TSHZ2: variants seen among roughly 807,000 people sequenced by gnomAD.
The protein encoded by TSHZ2 is teashirt zinc finger homeobox 2.
In TSHZ2, 21 loss-of-function variants were observed where a neutral mutation model predicts 74.4. The observed-to-expected ratio is 0.28, with a 90% CI of 0.20 to 0.41. The LOEUF (loss-of-function observed/expected upper bound fraction) is 0.41, where lower values mean the gene tolerates loss of function less well. TSHZ2 is among the 10% of genes least tolerant of loss of function. The pLI, the probability that TSHZ2 is intolerant of heterozygous loss-of-function variation, is 1.00. For synonymous variants in TSHZ2, 540 were observed against 515.3 expected (o/e 1.05, Z -0.65); for missense variants, 1,244 against 1,293.5 (o/e 0.96, Z 0.59).
chr20:53,437,042 C>T (rs1477772211), intron 2 of TSHZ2, among the ~76,000 whole-genome samples: 1 of 152,226 alleles, frequency 6.6e-6, no homozygotes, highest in East Asian at 1.9e-4. Context: ...TATCCTCTTT[C>T]TTTTCTAACC....
chr20:53,012,719 T>C (rs1302662333), intron 1 of TSHZ2, among the ~76,000 whole-genome samples: 1 of 152,072 alleles, frequency 6.6e-6, no homozygotes, highest in Non-Finnish European at 1.5e-5. Flanking sequence ...TATGCACAGA[T>C]GCACTGACAC....
chr20:53,358,698 C>T (rs1980942470), intron 2 of TSHZ2, among the ~76,000 whole-genome samples: 1 of 152,104 alleles, frequency 6.6e-6, no homozygotes, highest in South Asian at 2.1e-4. Context: ...TGGTAAAATC[C>T]ACCAATTTAT....
At chr20:53,148,863 A>T (rs1245592999) in intron 1 of TSHZ2, among the ~76,000 whole-genome samples, 2 of 152,198 alleles carry the variant, frequency 1.3e-5, no homozygotes, top group Non-Finnish European at 2.9e-5. Context: ...TAACAAACAA[A>T]GCTCGGGTTG....
Position 53,054,920 on chromosome 20 carries a change from A to G in TSHZ2, c.40+81587A>G, listed in dbSNP as rs145245714. Reference sequence around the variant, plus strand: ...TCATTTAAAGGAGGTGTTTTTGCTTAGTTCCTGACAATTACTGTCAGGTGA... The same window carrying G: ...TCATTTAAAGGAGGTGTTTTTGCTTGGTTCCTGACAATTACTGTCAGGTGA... On this transcript the variant is annotated intron_variant, in intron 1 of 2. Coordinates refer to ENST00000371497, the MANE Select transcript of TSHZ2 (RefSeq NM_173485.6). 1.2e-4 allele frequency among the ~76,000 whole-genome samples: 18 copies of G among 152,286 alleles called. No individual in the cohort carries two copies. In the East Asian group the frequency reaches 2.5e-3, roughly 21 times the overall value.
intron 2 of TSHZ2, among the ~76,000 whole-genome samples, chr20:53,379,732 CA>C (rs1981790488): frequency 6.6e-6 from 1 of 151,770 alleles, no homozygotes; most frequent in Non-Finnish European, 1.5e-5. Context: ...CCTTTGACAC[CA>C]TGGGGAGAAA....
At chr20:53,082,873 G>A (rs557680624) in intron 1 of TSHZ2, among the ~76,000 whole-genome samples, 6 of 152,316 alleles carry the variant, frequency 3.9e-5, no homozygotes, top group Non-Finnish European at 8.8e-5. Flanking sequence ...GTTAAATGTT[G>A]TACTGGATAG....
At chr20:53,134,696 G>A (rs188999463) in intron 1 of TSHZ2, among the ~76,000 whole-genome samples, 70 of 152,202 alleles carry the variant, frequency 4.6e-4, no homozygotes, top group South Asian at 1.0e-3. Flanking sequence ...GTGTTTTTAC[G>A]CACTCACATG....
chr20:53,362,232 C>T (rs1288269322), intron 2 of TSHZ2, among the ~76,000 whole-genome samples: 5 of 145,198 alleles, frequency 3.4e-5, no homozygotes, highest in South Asian at 2.2e-4. Context: ...TTGCCCAGGC[C>T]GGAGCGCAGT....
chr20:53,058,958 C>CACATCCTA (rs1162241149), intron 1 of TSHZ2, among the ~76,000 whole-genome samples: 1 of 152,150 alleles, frequency 6.6e-6, no homozygotes, highest in Non-Finnish European at 1.5e-5. Context: ...ACATTTTCTC[C>CACATCCTA]ACATCCTATC....
intron 1 of TSHZ2, chr20:53,196,674 G>A (rs964281197): frequency 6.6e-6 from 1 of 152,184 alleles, no homozygotes; most frequent in African/African-American, 2.4e-5. Context: ...TTTAAAAACA[G>A]GCAGACAAAA....
intron 1 of TSHZ2, among the ~76,000 whole-genome samples, chr20:53,134,377 A>C (rs1380870250): frequency 6.6e-6 from 1 of 152,262 alleles, no homozygotes; most frequent in African/African-American, 2.4e-5. Flanking sequence ...TTTGTAAAAA[A>C]GAAAACAATA....
At chr20:53,184,824 T>A (rs1022117523) in intron 1 of TSHZ2, among the ~76,000 whole-genome samples, 1 of 152,186 alleles carries the variant, frequency 6.6e-6, no homozygotes, top group Non-Finnish European at 1.5e-5. Context: ...TACTCATGCC[T>A]CAGCTCCTGA....
chr20:53,099,865 T>A (rs932318514), intron 1 of TSHZ2, among the ~76,000 whole-genome samples: 3 of 152,170 alleles, frequency 2.0e-5, no homozygotes, highest in Admixed American at 1.3e-4. Context: ...GAGATTTGGG[T>A]GGGGACACAG....
rs570724878 is a variant in TSHZ2 at position 53,066,851 on chromosome 20, A to G, written c.40+93518A>G. 5.3e-5 allele frequency among the ~76,000 whole-genome samples: 8 copies of G among 152,224 alleles called. No individual in the cohort carries two copies. The South Asian group carries it at 1.7e-3, about 32-fold the overall frequency. ...CTCCTTATGAAGTCCCCAAACCAAGACTAAGGCTCCTTGTTCAGCTTTCTC... is the reference window on the plus strand; with the variant it reads ...CTCCTTATGAAGTCCCCAAACCAAGGCTAAGGCTCCTTGTTCAGCTTTCTC... On this transcript the variant is annotated intron_variant, in intron 1 of 2. Coordinates refer to ENST00000371497, the MANE Select transcript of TSHZ2 (RefSeq NM_173485.6).
At chr20:53,424,769 T>C (rs911900167) in intron 2 of TSHZ2, among the ~76,000 whole-genome samples, 20 of 152,196 alleles carry the variant, frequency 1.3e-4, no homozygotes, top group Non-Finnish European at 2.8e-4. Context: ...CACCCATATG[T>C]CCATGTGCTC....
chr20:53,229,842 GA>G (rs753043758), intron 1 of TSHZ2, among the ~76,000 whole-genome samples: 2 of 131,978 alleles, frequency 1.5e-5, no homozygotes, highest in African/African-American at 2.8e-5. Context: ...AGAAAGAAAA[GA>G]AAAAAAGAAG....
intron 1 of TSHZ2, among the ~76,000 whole-genome samples, chr20:53,222,850 C>T (rs537189696): frequency 1.9e-4 from 29 of 152,294 alleles, no homozygotes; most frequent in African/African-American, 7.0e-4. Context: ...ATTGTCTTTG[C>T]ATTGACAAAG....
At chr20:53,212,404 CG>C (rs1989333408) in intron 1 of TSHZ2, among the ~76,000 whole-genome samples, 2 of 152,140 alleles carry the variant, frequency 1.3e-5, no homozygotes. Context: ...ATTATACTAA[CG>C]AATCCTTGCT....
intron 2 of TSHZ2, among the ~76,000 whole-genome samples, chr20:53,286,935 T>G (rs1365034464): frequency 6.7e-6 from 1 of 148,940 alleles, no homozygotes; most frequent in Non-Finnish European, 1.5e-5. Context: ...ACGTAACACT[T>G]CTGAATTGAT....
Sources: allele counts gnomAD v4.1 joint callset (sites outside exome capture counted in the v4.1 genomes callset), GRCh38; gene constraint gnomAD v4.1.1; transcripts MANE v1.5; gene names NCBI Gene and HGNC (gene_info 2026-07-23, HGNC 2026-07-21).